APEX2: variants seen among roughly 807,000 people sequenced by gnomAD.
The protein encoded by APEX2 is DNA-(apurinic or apyrimidinic site) endonuclease 2.
Under a neutral mutation model 16.7 loss-of-function variants are expected in APEX2, and 4 were observed. That is an observed-to-expected ratio of 0.24 (90% confidence interval 0.12 to 0.55). The LOEUF (loss-of-function observed/expected upper bound fraction) is 0.55, where lower values mean the gene tolerates loss of function less well. Among genes scored for constraint, APEX2 ranks in the 20% least tolerant of loss-of-function variants. APEX2 has a pLI of 0.94. For synonymous variants in APEX2, 181 were observed against 166.9 expected (o/e 1.08, Z -0.65); for missense variants, 357 against 433.6 (o/e 0.82, Z 1.57).
chrX:55,007,350 G>T lies in APEX2; in HGVS notation c.1472G>T (p.Arg491Leu). 8.3e-7 allele frequency: 1 copy of T among 1,203,178 alleles called. No individual in the cohort carries two copies. The highest frequency in any genetic ancestry group is 1.1e-6 in the Non-Finnish European group (1 of 889,997). Residue 491 changes from arginine (R) to leucine (L), a missense_variant, in exon 6 of 6, where the codon CGC becomes CTC. By Grantham distance (102) the Arg-to-Leu change is moderately radical (BLOSUM62 -2). Coordinates refer to ENST00000374987, the MANE Select transcript of APEX2 (RefSeq NM_014481.4). Reference sequence around the variant, plus strand: ...AAGCCAGGACCCAACTTGGGCCGCCGCTTCTACATGTGTGCCAGGCCCCGG... The same window carrying T: ...AAGCCAGGACCCAACTTGGGCCGCCTCTTCTACATGTGTGCCAGGCCCCGG... ...VKKPGPNLGR[R>L]FYMCARPRGP... is the part of the protein sequence containing the mutation.
Position 55,000,541 on chromosome X carries a change from ATGCGGATAT to A in APEX2, c.120_128del (p.Ala41_Ile43del). The stretch of plus-strand genomic sequence containing the variant: ...GTGGGGCGCATTTTGGACGAGCTGG[ATGCGGATAT>A]CGTCTGTCTCCAGGAAACCAAAGTG... On this transcript the variant is annotated inframe_deletion, in exon 1 of 6. Transcript: ENST00000374987. The A allele has an allele frequency of 8.3e-7, 1 of 1,210,662 alleles. No individual in the cohort carries two copies. The highest frequency in any genetic ancestry group is 1.1e-6 in the Non-Finnish European group (1 of 894,944).
Position 55,000,507 on chromosome X carries a change from G to T in APEX2, c.85G>T (p.Ala29Ser), listed in dbSNP as rs1324032555. Residue 29 changes from alanine (A) to serine (S), a missense_variant, in exon 1 of 6, where the codon GCC (alanine) becomes TCC (serine). Transcript: ENST00000374987. ...AAATCAGGAACCCAGCAACTGTGCC[G>T]CCGTGGCCGTGGGGCGCATTTTGGA... The part of the protein sequence containing the change: ...VANQEPSNCA[A>S]VAVGRILDEL... 5.8e-6 allele frequency: 7 copies of T among 1,207,561 alleles called. No homozygotes were observed. In the African/African-American group the frequency reaches 8.7e-5, roughly 15 times the overall value.
At position 55,007,479 on chromosome X, in the gene APEX2, A is replaced by C; in HGVS notation, c.*44A>C. ...ACATCTGGCATGGTCACCCCTGCAC[A>C]TGATCTGAGGCCAGCTCCCCTTCCC... On this transcript the variant is annotated 3_prime_UTR_variant, in exon 6 of 6. Coordinates refer to ENST00000374987, the MANE Select transcript of APEX2 (RefSeq NM_014481.4). 9.2e-7 allele frequency: 1 copy of C among 1,091,847 alleles called. No homozygotes were observed. Among genetic ancestry groups the C allele is most frequent in the Non-Finnish European group, 1.2e-6 (1 of 832,356 alleles). The allele number at this position is 1,091,847 out of a possible 1,213,427, so 90.0% of individuals were successfully genotyped here.
At chrX:55,002,925 G>C in intron 3 of APEX2, 37 bp from the exon 4 acceptor site, 1 of 1,194,039 alleles carries the variant, frequency 8.4e-7, no homozygotes, top group Non-Finnish European at 1.1e-6. Flanking sequence ...GGGGAGGTTT[G>C]AAACTGACCC....
intron 5 of APEX2, 149 bp downstream of exon 5, chrX:55,004,017 T>C (rs1292446546): frequency 1.9e-6 from 1 of 518,230 alleles, no homozygotes; most frequent in Non-Finnish European, 3.2e-6. Flanking sequence ...TGAGGATTGG[T>C]CATTCATTCA....
Position 55,008,571 on chromosome X carries a change from CAA to C in APEX2, c.*1148_*1149del, listed in dbSNP as rs770902009. On this transcript the variant is annotated 3_prime_UTR_variant, in exon 6 of 6. Coordinates refer to ENST00000374987, the MANE Select transcript of APEX2 (RefSeq NM_014481.4). ...GGCAACAAGAGTGAAATTCAGTCTC[CAA>C]AAAAAAAAAAAGAAAAGAAAAAGAA... 1.6e-4 allele frequency: 14 copies of C among 85,811 alleles called. No homozygotes were observed. The highest frequency in any genetic ancestry group is 1.3e-4 in the Admixed American group (1 of 7,718). 7.1% of individuals were successfully genotyped at this position (85,811 alleles called of 1,213,427 possible).
chrX:55,003,099 C>T lies in APEX2; in HGVS notation c.560C>T (p.Ala187Val), dbSNP rs866601451. Residue 187 changes from alanine to valine, a missense_variant, in exon 4 of 6, where the codon GCG (alanine) becomes GTG (valine). By Grantham distance (64) the Ala-to-Val change is moderately conservative. Transcript: ENST00000374987. ...CAAATCCGAGCAGAAGCCCTCCTGG[C>T]GGCAGGCAGGTACTGCAAGCCTGGG... ...LLQIRAEALL[A>V]AGSHVIILGD... 4 of 1,211,436 alleles carry T rather than the reference C, an allele frequency of 3.3e-6. No homozygotes were observed. The highest frequency in any genetic ancestry group is 4.5e-6 in the Non-Finnish European group (4 of 895,196).
rs200234086 is a variant in APEX2, at chrX:55,007,426, G to T, written c.1548G>T (p.Arg516Ser). 1.1e-5 allele frequency: 13 copies of T among 1,159,058 alleles called. No homozygotes were observed. The East Asian group carries it at 3.0e-4, about 27-fold the overall frequency. ...SSRCNFFLWSRPS is the reference protein window; with the variant it reads ...SSRCNFFLWSSPS ...GGTGCAACTTCTTCCTCTGGAGCAG[G>T]CCCAGCTGAACCAATGGAGGCCTGG... Residue 516 changes from arginine to serine, a missense_variant, in exon 6 of 6, where the codon AGG becomes AGT. Transcript: ENST00000374987.
chrX:55,004,001 T>C (rs1038038609), intron 5 of APEX2, 133 bp downstream of exon 5: 5 of 558,148 alleles, frequency 9.0e-6, no homozygotes, highest in Non-Finnish European at 5.9e-6. Context: ...ACTATTCTTA[T>C]AGTACTGAGG....
chrX:55,003,919 C>T (rs1486664768), intron 5 of APEX2, 51 bp downstream of exon 5: 1 of 1,138,450 alleles, frequency 8.8e-7, no homozygotes, highest in Non-Finnish European at 1.2e-6. Context: ...TTCTGTTTGT[C>T]CAGCCAACCA....
Position 55,002,382 on chromosome X carries a change from C to G in APEX2, c.373C>G (p.Arg125Gly). Residue 125 changes from arginine to glycine, a missense_variant, in exon 3 of 6, where the codon CGG (arginine) becomes GGG (glycine). Arg to Gly is a moderately radical substitution (Grantham distance 125). Coordinates refer to ENST00000374987, the MANE Select transcript of APEX2 (RefSeq NM_014481.4). ...NMDEFTQEEL[R>G]ALDSEGRALL... ...GGATGAGTTTACCCAAGAGGAACTCCGGGCTCTGGATAGTGAGGGCAGGGC... is the reference window on the plus strand; with the variant it reads ...GGATGAGTTTACCCAAGAGGAACTCGGGGCTCTGGATAGTGAGGGCAGGGC... 3.3e-6 allele frequency: 4 copies of G among 1,209,328 alleles called. No homozygotes were observed. Among genetic ancestry groups the G allele is most frequent in the East Asian group, 3.0e-5 (1 of 33,815 alleles).
Position 55,008,891 on chromosome X carries a change from CTG to C in APEX2, c.*1460_*1461del, listed in dbSNP as rs1935545612. On this transcript the variant is annotated 3_prime_UTR_variant, in exon 6 of 6. Transcript: ENST00000374987. ...AAGTATCCTAGCTCTTTGCAACTCA[CTG>C]TGTAGTTTTTGGGCATTTCCTTCCT... The C allele has an allele frequency of 6.0e-6, 2 of 332,357 alleles. No homozygotes were observed. The highest frequency in any genetic ancestry group is 5.2e-5 in the East Asian group (1 of 19,294). 27.4% of individuals were successfully genotyped at this position (332,357 alleles called of 1,213,427 possible).
At position 55,007,306 on chromosome X, in the gene APEX2, T is replaced by C. The variant is rs368528291; in HGVS notation, c.1428T>C (p.Cys476=). The change falls in exon 6 of 6, where the codon TGT becomes TGC. Residue 476 remains cysteine (C), a synonymous_variant. Coordinates refer to ENST00000374987, the MANE Select transcript of APEX2 (RefSeq NM_014481.4). ...TCTGTGGGGGCCACAGGGAGCCATG[T>C]GTGATGCGTACTGTGAAGAAGCCAG... ...TPLCGGHREP[C]VMRTVKKPGP... The C allele has an allele frequency of 1.7e-6, 2 of 1,210,304 alleles. No individual in the cohort carries two copies. The highest frequency in any genetic ancestry group is 3.5e-5 in the African/African-American group (2 of 57,304).
chrX:55,002,284 C>T lies in APEX2; in HGVS notation c.275C>T (p.Pro92Leu), dbSNP rs769503215. The change falls in exon 3 of 6, where the codon CCA (proline) becomes CTA (leucine). Residue 92 changes from proline to leucine, a missense_variant. By Grantham distance (98) the Pro-to-Leu change is moderately conservative. Coordinates refer to ENST00000374987, the MANE Select transcript of APEX2 (RefSeq NM_014481.4). ...ACCTTCTGTAAGGACAATGCTACCC[C>T]AGTGGCTGCTGAAGAAGGCCTGAGT... is the stretch of plus-strand genomic sequence containing the variant. ...VATFCKDNAT[P>L]VAAEEGLSGL... 1 of 1,207,050 alleles carries T rather than the reference C, an allele frequency of 8.3e-7. No homozygotes were observed. The highest frequency in any genetic ancestry group is 1.1e-6 in the Non-Finnish European group (1 of 893,468).
rs1448784749 is a variant in APEX2 at position 55,006,814 on chromosome X, T to C, written c.936T>C (p.Ser312=). ...ACTGCCCTGTGGGTGCAGTCTTGAGTGTGTCCTCTGTGCCTGCAAAACAGT... is the reference window on the plus strand; with the variant it reads ...ACTGCCCTGTGGGTGCAGTCTTGAGCGTGTCCTCTGTGCCTGCAAAACAGT... ...SDHCPVGAVL[S]VSSVPAKQCP... The change falls in exon 6 of 6, where the codon AGT becomes AGC. Residue 312 remains serine, a synonymous_variant. Coordinates refer to ENST00000374987, the MANE Select transcript of APEX2 (RefSeq NM_014481.4). 1.7e-6 allele frequency: 2 copies of C among 1,211,311 alleles called. No homozygotes were observed. The highest frequency in any genetic ancestry group is 1.1e-6 in the Non-Finnish European group (1 of 895,367).
chrX:55,000,455 G>T lies in APEX2; in HGVS notation c.33G>T (p.Gly11=). 3.3e-6 allele frequency: 4 copies of T among 1,199,687 alleles called. No homozygotes were observed. The highest frequency in any genetic ancestry group is 4.5e-6 in the Non-Finnish European group (4 of 889,106). ...GCGTGGTGAGCTGGAACATCAATGGGATTCGGAGACCCCTGCAAGGGGTGG... is the reference window on the plus strand; with the variant it reads ...GCGTGGTGAGCTGGAACATCAATGGTATTCGGAGACCCCTGCAAGGGGTGG... The part of the protein sequence containing the change: MLRVVSWNIN[G]IRRPLQGVAN... The change falls in exon 1 of 6, where the codon GGG becomes GGT. Residue 11 remains glycine (G), a synonymous_variant. Coordinates refer to ENST00000374987, the MANE Select transcript of APEX2 (RefSeq NM_014481.4).
rs1161942225 is a variant in APEX2, at chrX:55,003,193, A to G, written c.569+85A>G. 8.4e-6 allele frequency: 9 copies of G among 1,066,097 alleles called. No homozygotes were observed. In the South Asian group the frequency reaches 1.3e-4, roughly 16 times the overall value. The allele number at this position is 1,066,097 out of a possible 1,213,427, so 87.9% of individuals were successfully genotyped here. A position where few individuals can be genotyped will look rare whatever the true frequency, so the allele number is the denominator to read the frequency against. ...TCAAGCTCCATTGAAAGGGATATGG[A>G]CCCTTTGTCTCTGAGTTCTTTCACA... On this transcript the variant is annotated intron_variant, in intron 4 of 5. Transcript: ENST00000374987.
At chrX:55,005,915 A>G (rs1935492423) in intron 5 of APEX2, among the ~76,000 whole-genome samples, 1 of 110,566 alleles carries the variant, frequency 9.0e-6, no homozygotes, top group Non-Finnish European at 1.9e-5. Context: ...GGCATCATGC[A>G]TGGCACATAA....
At position 55,007,186 on chromosome X, in the gene APEX2, G is replaced by A. The variant is rs142748184; in HGVS notation, c.1308G>A (p.Val436=). 128 of 1,210,665 alleles carry A rather than the reference G, an allele frequency of 1.1e-4. 1 individual carries two copies. Among genetic ancestry groups the A allele is most frequent in the Non-Finnish European group, 1.4e-4 (124 of 895,367 alleles). The change falls in exon 6 of 6, where the codon GTG becomes GTA. Residue 436 remains valine, a synonymous_variant. Transcript: ENST00000374987. ...TPEEKAVAKV[V]KGQAKTSEAK... is the part of the protein sequence containing the mutation. ...AAGAGAAGGCAGTGGCCAAAGTGGT[G>A]AAGGGGCAGGCCAAGACTTCAGAAG...
Sources: allele counts gnomAD v4.1 joint callset (sites outside exome capture counted in the v4.1 genomes callset), GRCh38; gene constraint gnomAD v4.1.1; transcripts MANE v1.5; gene names NCBI Gene and HGNC (gene_info 2026-07-23, HGNC 2026-07-21).